EPB41L2: variants seen among roughly 807,000 people sequenced by gnomAD.
EPB41L2 encodes band 4.1-like protein 2.
EPB41L2 carries 43 observed loss-of-function variants against 113.0 expected under a neutral mutation model. That is an observed-to-expected ratio of 0.38 (90% CI 0.30 to 0.49). The LOEUF (loss-of-function observed/expected upper bound fraction) is 0.49. EPB41L2 is among the 20% of genes least tolerant of loss of function. EPB41L2 has a pLI of 0.95. For missense variants in EPB41L2, 1,147 were observed against 1,223.4 expected (o/e 0.94, Z 0.93); for synonymous variants, 442 against 436.7 (o/e 1.01, Z -0.15).
intron 1 of EPB41L2, among the ~76,000 whole-genome samples, chr6:131,041,105 C>T (rs1384552152): frequency 6.6e-6 from 1 of 152,116 alleles, no homozygotes; most frequent in Non-Finnish European, 1.5e-5. Flanking sequence ...CAAGACATCA[C>T]GGGAATGACT....
intron 10 of EPB41L2, among the ~76,000 whole-genome samples, chr6:130,892,200 A>G (rs1010212546): frequency 1.2e-4 from 19 of 152,066 alleles, no homozygotes; most frequent in Non-Finnish European, 1.3e-4. Context: ...GGTGAGGAAT[A>G]CAGGTGTCAG....
intron 1 of EPB41L2, among the ~76,000 whole-genome samples, chr6:130,986,153 T>A (rs918782472): frequency 6.6e-6 from 1 of 151,586 alleles, no homozygotes; most frequent in Non-Finnish European, 1.5e-5. Context: ...AATACAAGAG[T>A]AGTGTAACAA....
intron 1 of EPB41L2, among the ~76,000 whole-genome samples, chr6:130,961,889 C>T (rs766682934): frequency 5.9e-5 from 9 of 152,160 alleles, no homozygotes; most frequent in African/African-American, 1.2e-4. Context: ...TGGAGGGAGG[C>T]TTTCATTTGA....
At chr6:131,046,933 C>G (rs1451730045) in intron 1 of EPB41L2, among the ~76,000 whole-genome samples, 3 of 152,090 alleles carry the variant, frequency 2.0e-5, no homozygotes, top group Admixed American at 2.0e-4. Flanking sequence ...GAGGGGAATG[C>G]AAATAGGATC....
At chr6:131,004,161 T>G (rs1234499535) in intron 1 of EPB41L2, among the ~76,000 whole-genome samples, 1 of 152,156 alleles carries the variant, frequency 6.6e-6, no homozygotes, top group Non-Finnish European at 1.5e-5. Flanking sequence ...ATAGGTTGTA[T>G]TCCAAAAGCC....
intron 1 of EPB41L2, among the ~76,000 whole-genome samples, chr6:131,050,721 A>G (rs538372596): frequency 2.0e-5 from 3 of 152,368 alleles, no homozygotes; most frequent in African/African-American, 7.2e-5. Flanking sequence ...GCATATGTTC[A>G]AAACTTACTC....
At chr6:131,043,308 A>G (rs1229575311) in intron 1 of EPB41L2, among the ~76,000 whole-genome samples, 2 of 152,148 alleles carry the variant, frequency 1.3e-5, no homozygotes, top group African/African-American at 4.8e-5. Context: ...CTTAAAAAAT[A>G]AAGATAAATA....
intron 3 of EPB41L2, among the ~76,000 whole-genome samples, chr6:130,952,208 T>C (rs1346256920): frequency 6.6e-6 from 1 of 152,060 alleles, no homozygotes; most frequent in Admixed American, 6.6e-5. Context: ...ATGTAAATGG[T>C]CAATTTTATC....
At chr6:130,997,666 G>A (rs932523188) in intron 1 of EPB41L2, among the ~76,000 whole-genome samples, 4 of 152,160 alleles carry the variant, frequency 2.6e-5, no homozygotes, top group Admixed American at 6.5e-5. Context: ...TCTGCAGAAT[G>A]TCTCAAAGGA....
chr6:130,938,315 T>G (rs558385594), intron 3 of EPB41L2, among the ~76,000 whole-genome samples: 2 of 152,334 alleles, frequency 1.3e-5, no homozygotes, highest in Non-Finnish European at 2.9e-5. Context: ...CTATTCAATT[T>G]GACATTTTTT....
intron 1 of EPB41L2, among the ~76,000 whole-genome samples, chr6:130,999,746 T>C (rs895731410): frequency 2.6e-5 from 4 of 152,176 alleles, no homozygotes; most frequent in African/African-American, 9.7e-5. Context: ...TCCTGAATCA[T>C]ATTAATTTTA....
At chr6:131,049,086 C>T (rs1796058220) in intron 1 of EPB41L2, among the ~76,000 whole-genome samples, 1 of 152,214 alleles carries the variant, frequency 6.6e-6, no homozygotes, top group South Asian at 2.1e-4. Flanking sequence ...ACATCTGCAC[C>T]ACATATGCAG....
At chr6:130,956,570 C>G in intron 1 of EPB41L2, 71 bp from the exon 2 acceptor site, 3 of 1,365,668 alleles carry the variant, frequency 2.2e-6, no homozygotes, top group Non-Finnish European at 3.0e-6. Context: ...TTGCGAGGGG[C>G]ATGGTAAGGA....
At chr6:130,845,322 T>C (rs567650750) in intron 19 of EPB41L2, among the ~76,000 whole-genome samples, 7 of 152,344 alleles carry the variant, frequency 4.6e-5, no homozygotes, top group Non-Finnish European at 8.8e-5. Context: ...GTAAATCTAC[T>C]GGCAGCTCAG....
chr6:130,926,817 T>A (rs1804903454), intron 3 of EPB41L2, 108 bp from the exon 4 acceptor site: 1 of 690,846 alleles, frequency 1.4e-6, no homozygotes, highest in Admixed American at 3.4e-5. Context: ...TAACATTAAA[T>A]ATTTGTTTTC....
intron 1 of EPB41L2, among the ~76,000 whole-genome samples, chr6:131,029,402 A>T (rs1232749234): frequency 1.3e-5 from 2 of 151,206 alleles, no homozygotes; most frequent in African/African-American, 2.4e-5. Flanking sequence ...AAAAAAAAAA[A>T]AAAAAAAAAA....
intron 3 of EPB41L2, among the ~76,000 whole-genome samples, chr6:130,939,766 CT>C (rs1295259685): frequency 1.3e-5 from 2 of 152,148 alleles, no homozygotes; most frequent in African/African-American, 4.8e-5. Context: ...AATCAAAAGT[CT>C]TTTTAGAAGA....
At chr6:130,954,865 C>G (rs1313464062) in intron 3 of EPB41L2, among the ~76,000 whole-genome samples, 1 of 152,168 alleles carries the variant, frequency 6.6e-6, no homozygotes, top group Non-Finnish European at 1.5e-5. Context: ...ATTTAACACC[C>G]AGTCATTAAC....
intron 2 of EPB41L2, 26 bp from the exon 3 acceptor site, chr6:130,955,343 A>T: frequency 6.2e-7 from 1 of 1,605,896 alleles, no homozygotes; most frequent in Non-Finnish European, 8.5e-7. Flanking sequence ...AAATAAATTC[A>T]TACTATAGTC....
Sources: gnomAD v4.1 joint callset for allele counts (sites outside exome capture counted in the v4.1 genomes callset) on GRCh38, gnomAD v4.1.1 for gene constraint, MANE v1.5 for transcripts, NCBI Gene and HGNC (gene_info 2026-07-23, HGNC 2026-07-21) for gene names.